Variants in SEMA3A observed in about 807,000 individuals in gnomAD.
SEMA3A encodes semaphorin 3A.
Under a neutral mutation model 97.9 loss-of-function variants are expected in SEMA3A, and 29 were observed. That is an observed-to-expected ratio of 0.30 (90% CI 0.22 to 0.40). The LOEUF (loss-of-function observed/expected upper bound fraction) is 0.40, where lower values mean the gene tolerates loss of function less well. Among genes scored for constraint, SEMA3A ranks in the 10% least tolerant of loss-of-function variants. The pLI is 1.00. For synonymous variants in SEMA3A, 321 were observed against 323.7 expected, an observed-to-expected ratio of 0.99 and a Z score of 0.09; for missense variants, 763 against 951.3, an observed-to-expected ratio of 0.80 and a Z score of 2.60.
chr7:84,214,248 T>G (rs981744103), intron 3 of SEMA3A, among the ~76,000 whole-genome samples: 4 of 152,220 alleles, frequency 2.6e-5, no homozygotes, highest in Admixed American at 2.0e-4. Flanking sequence ...TAAGTAATTT[T>G]ATGTCTGACA....
At chr7:84,090,055 A>C (rs1209387981) in intron 4 of SEMA3A, among the ~76,000 whole-genome samples, 3 of 152,038 alleles carry the variant, frequency 2.0e-5, no homozygotes, top group Non-Finnish European at 4.4e-5. Flanking sequence ...TGCTCATGAA[A>C]ATTTTAAAGA....
chr7:84,290,716 G>T (rs1800719441), intron 3 of SEMA3A, among the ~76,000 whole-genome samples: 1 of 152,024 alleles, frequency 6.6e-6, no homozygotes, highest in African/African-American at 2.4e-5. Flanking sequence ...TGGGTCTATT[G>T]CTACTGTTGT....
intron 6 of SEMA3A, among the ~76,000 whole-genome samples, chr7:84,027,016 C>A (rs921509502): frequency 2.6e-5 from 4 of 151,888 alleles, no homozygotes; most frequent in Admixed American, 1.3e-4. Context: ...AAAAAAAAAA[C>A]TGCAAGCAAA....
chr7:83,965,442 A>C (rs529849898), intron 15 of SEMA3A, among the ~76,000 whole-genome samples: 1 of 151,188 alleles, frequency 6.6e-6, no homozygotes, highest in African/African-American at 2.4e-5. Flanking sequence ...TTATAACTGC[A>C]ACTGACTTGT....
chr7:84,221,058 C>T (rs1305161125), intron 3 of SEMA3A, among the ~76,000 whole-genome samples: 1 of 152,150 alleles, frequency 6.6e-6, no homozygotes, highest in Non-Finnish European at 1.5e-5. Flanking sequence ...TAGTCACCTT[C>T]ATCAATTACT....
At chr7:84,424,531 A>G (rs6974701) in intron 1 of SEMA3A, among the ~76,000 whole-genome samples, 1 of 63,722 alleles carries the variant, frequency 1.6e-5, no homozygotes, top group South Asian at 3.7e-4. Flanking sequence ...TGTTATATAT[A>G]ATATATAAAT....
chr7:84,447,927 C>T (rs778463209), intron 1 of SEMA3A, among the ~76,000 whole-genome samples: 4 of 152,192 alleles, frequency 2.6e-5, no homozygotes, highest in Non-Finnish European at 5.9e-5. Context: ...GACACAGTTG[C>T]CCACAGCAGA....
chr7:84,223,878 T>C (rs1395052080), intron 3 of SEMA3A, among the ~76,000 whole-genome samples: 1 of 151,860 alleles, frequency 6.6e-6, no homozygotes, highest in Non-Finnish European at 1.5e-5. Context: ...TTATATTACA[T>C]ACTTCTATTG....
rs546691393 is a variant in SEMA3A at position 84,170,932 on chromosome 7, G to A, written c.112+23543C>T. On this transcript the variant is annotated intron_variant, in intron 1 of 16. Transcript: ENST00000265362. ...AGGGCTTACCTAATTAAACTGGACCGTGTAAGAACTAGGTCAATGTATTAT... is the reference window on the plus strand; with the variant it reads ...AGGGCTTACCTAATTAAACTGGACCATGTAAGAACTAGGTCAATGTATTAT... Among the ~76,000 whole-genome samples the A allele has an allele frequency of 3.0e-4, 45 of 152,144 alleles. 1 individual carries two copies. Among genetic ancestry groups the A allele is most frequent in the South Asian group, 1.2e-3 (6 of 4,820 alleles).
chr7:84,072,524 T>C (rs979542703), intron 4 of SEMA3A, among the ~76,000 whole-genome samples: 1 of 152,118 alleles, frequency 6.6e-6, no homozygotes, highest in Non-Finnish European at 1.5e-5. Context: ...TACAGAAATA[T>C]ATAATTTATT....
intron 6 of SEMA3A, 47 bp downstream of exon 6, chr7:84,046,277 T>A: frequency 6.2e-7 from 1 of 1,600,262 alleles, no homozygotes; most frequent in Non-Finnish European, 8.5e-7. Flanking sequence ...AGTAACTTAA[T>A]ACAGTTACAC....
At chr7:84,248,396 C>A (rs1444369338) in intron 3 of SEMA3A, among the ~76,000 whole-genome samples, 1 of 152,140 alleles carries the variant, frequency 6.6e-6, no homozygotes, top group South Asian at 2.1e-4. Context: ...GTGCTATATG[C>A]CCGGCATGCA....
At chr7:83,998,434 A>G (rs1790304221) in intron 12 of SEMA3A, among the ~76,000 whole-genome samples, 1 of 152,130 alleles carries the variant, frequency 6.6e-6, no homozygotes, top group South Asian at 2.1e-4. Context: ...TGTGTAGGGC[A>G]TTTATCATGA....
At chr7:83,983,505 C>T (rs918674957) in intron 13 of SEMA3A, among the ~76,000 whole-genome samples, 1 of 151,754 alleles carries the variant, frequency 6.6e-6, no homozygotes, top group African/African-American at 2.4e-5. Context: ...ACCTAAATAA[C>T]AGTATCTAAT....
intron 1 of SEMA3A, among the ~76,000 whole-genome samples, chr7:84,453,392 T>A (rs577060162): frequency 6.6e-6 from 1 of 151,822 alleles, no homozygotes; most frequent in Non-Finnish European, 1.5e-5. Context: ...GCCCGCCACC[T>A]CGCCCGGCTA....
At chr7:84,143,367 A>C (rs1796355936) in intron 1 of SEMA3A, among the ~76,000 whole-genome samples, 1 of 152,208 alleles carries the variant, frequency 6.6e-6, no homozygotes, top group Non-Finnish European at 1.5e-5. Flanking sequence ...GAAATATTTC[A>C]AATATAGTGA....
intron 1 of SEMA3A, among the ~76,000 whole-genome samples, chr7:84,472,980 G>A (rs1180822593): frequency 2.6e-5 from 4 of 152,146 alleles, no homozygotes; most frequent in African/African-American, 7.2e-5. Context: ...CTGTATATTC[G>A]GTGTTCCAAA....
At chr7:84,385,744 T>A (rs978963658) in intron 1 of SEMA3A, among the ~76,000 whole-genome samples, 2 of 152,156 alleles carry the variant, frequency 1.3e-5, no homozygotes, top group Non-Finnish European at 2.9e-5. Flanking sequence ...TTTGATGCGG[T>A]TTAATCAATT....
At chr7:84,489,902 C>T (rs1584360440) in intron 1 of SEMA3A, among the ~76,000 whole-genome samples, 1 of 151,840 alleles carries the variant, frequency 6.6e-6, no homozygotes, top group Non-Finnish European at 1.5e-5. Flanking sequence ...TATCCTGGGT[C>T]TTCTAAAAAT....
Sources: gnomAD v4.1 joint callset for allele counts (sites outside exome capture counted in the v4.1 genomes callset) on GRCh38, gnomAD v4.1.1 for gene constraint, MANE v1.5 for transcripts, NCBI Gene and HGNC (gene_info 2026-07-23, HGNC 2026-07-21) for gene names.